Variants in BCL2L2 observed in about 807,000 individuals in gnomAD.
The protein encoded by BCL2L2 is bcl-2-like protein 2.
Under a neutral mutation model 14.6 loss-of-function variants are expected in BCL2L2, and 6 were observed. The observed-to-expected ratio is 0.41, with a 90% confidence interval of 0.22 to 0.81. The LOEUF is 0.81. Ranked by LOEUF, BCL2L2 falls within the 30% of genes least tolerant of loss-of-function variation. The probability of loss-of-function intolerance (pLI) is 0.32; values close to 1 mark genes in which losing one functional copy is unlikely to be tolerated. For missense variants in BCL2L2, 191 were observed against 260.5 expected (o/e 0.73, Z 1.84); for synonymous variants, 90 against 108.5 (o/e 0.83, Z 1.06).
Position 23,310,487 on chromosome 14 carries a change from G to A in BCL2L2, c.*1522G>A, listed in dbSNP as rs555944041. On this transcript the variant is annotated 3_prime_UTR_variant, in exon 4 of 4. Coordinates refer to ENST00000250405, the MANE Select transcript of BCL2L2 (RefSeq NM_004050.5). ...TCACTTGGTCCTAGAATGTGGCAAC[G>A]TAGTTGTGCTCGCCAGAACGTGGGA... The A allele has an allele frequency of 3.7e-5, 38 of 1,031,282 alleles. No individual in the cohort carries two copies. Among genetic ancestry groups the A allele is most frequent in the Middle Eastern group, 4.7e-4 (1 of 2,108 alleles). 63.9% of individuals were successfully genotyped at this position (1,031,282 alleles called of 1,614,324 possible). A position where few individuals can be genotyped will look rare whatever the true frequency, so the allele number is the denominator to read the frequency against.
chr14:23,308,183 ACAG>A lies in BCL2L2; in HGVS notation c.420_422del (p.Ser141del). ...GAGACGCAGCTGGCTGACTGGATCCACAGCAGTGGGGGCTGGGTAAGAAGCTTC... is the reference window on the plus strand; with the variant it reads ...GAGACGCAGCTGGCTGACTGGATCCACAGTGGGGGCTGGGTAAGAAGCTTC... On this transcript the variant is annotated inframe_deletion, in exon 3 of 4. Coordinates refer to ENST00000250405, the MANE Select transcript of BCL2L2 (RefSeq NM_004050.5). This position sits in a 1 kb window ranked among gnomAD's most constrained non-coding sequence, Gnocchi z 5.4. 6.2e-7 allele frequency: 1 copy of A among 1,612,280 alleles called. No individual in the cohort carries two copies. Among genetic ancestry groups the A allele is most frequent in the Non-Finnish European group, 8.5e-7 (1 of 1,179,432 alleles).
At position 23,306,853 on chromosome 14, in the gene BCL2L2, C is replaced by G. The variant is rs537884949; in HGVS notation, c.-138C>G. 2.0e-5 allele frequency: 3 copies of G among 152,536 alleles called. No homozygotes were observed. In the East Asian group the frequency reaches 5.8e-4, roughly 29 times the overall value. 9.4% of individuals were successfully genotyped at this position (152,536 alleles called of 1,614,324 possible). On this transcript the variant is annotated 5_prime_UTR_variant, in exon 1 of 4. Coordinates refer to ENST00000250405, the MANE Select transcript of BCL2L2 (RefSeq NM_004050.5). Reference sequence around the variant, plus strand: ...TCCCTCTCTCCCTCCCTCCCAGCTCCTGCACCAGGAAACGGCCCGGATCCC... The same window carrying G: ...TCCCTCTCTCCCTCCCTCCCAGCTCGTGCACCAGGAAACGGCCCGGATCCC...
chr14:23,308,967 A>T lies in BCL2L2; in HGVS notation c.*2A>T. 7.5e-7 allele frequency: 1 copy of T among 1,324,780 alleles called. No homozygotes were observed. Among genetic ancestry groups the T allele is most frequent in the Non-Finnish European group, 9.7e-7 (1 of 1,028,644 alleles). The allele number at this position is 1,324,780 out of a possible 1,614,324, so 82.1% of individuals were successfully genotyped here. ...GGGGCCTTTTTTGCTAGCAAGTGAA[A>T]GTCCAGGGCCAGGTGGGGCTAGGTG... is the stretch of plus-strand genomic sequence containing the variant. On this transcript the variant is annotated 3_prime_UTR_variant, in exon 4 of 4. Coordinates refer to ENST00000250405, the MANE Select transcript of BCL2L2 (RefSeq NM_004050.5). This position sits in a 1 kb window ranked among gnomAD's most constrained non-coding sequence, Gnocchi z 5.4.
At position 23,308,510 on chromosome 14, in the gene BCL2L2, G is replaced by C. The variant is rs896914682; in HGVS notation, c.433-306G>C. Among the ~76,000 whole-genome samples the C allele has an allele frequency of 1.3e-5, 2 of 152,090 alleles. No homozygotes were observed. The highest frequency in any genetic ancestry group is 4.8e-5 in the African/African-American group (2 of 41,408). ...ATGGCGTGGGAGGTGGGGAGGACCA[G>C]GGATGGGTGGTGGTCAGGCAAGCCT... On this transcript the variant is annotated intron_variant, in intron 3 of 3. Coordinates refer to ENST00000250405, the MANE Select transcript of BCL2L2 (RefSeq NM_004050.5). The surrounding 1 kb of genome is among the most constrained non-coding windows in gnomAD (Gnocchi z 5.4).
Position 23,307,797 on chromosome 14 carries a change from AC to A in BCL2L2, c.31del (p.Arg11GlyfsTer8). 2 of 1,540,008 alleles carry A rather than the reference AC, an allele frequency of 1.3e-6. No homozygotes were observed. Among genetic ancestry groups the A allele is most frequent in the Non-Finnish European group, 1.7e-6 (2 of 1,145,286 alleles). On this transcript the variant is annotated frameshift_variant, in exon 3 of 4. Transcript: ENST00000250405. LOFTEE classifies it high-confidence loss of function. ...CGACCCCAGCCTCGGCCCCAGACAC[AC>A]GGGCTCTGGTGGCAGACTTTGTAGG... MATPASAPDTRALVADFVGYK... is the reference protein window; with the variant it reads MATPASAPDTXALVADFVGYK...
chr14:23,308,569 C>T lies in BCL2L2; in HGVS notation c.433-247C>T, dbSNP rs938565699. ...GATGCTAGTTCTGAGCAGAATTTTT[C>T]GCCAAGGAAAGGATGGAATTCACTG... On this transcript the variant is annotated intron_variant, in intron 3 of 3. Transcript: ENST00000250405. This position sits in a 1 kb window ranked among gnomAD's most constrained non-coding sequence, Gnocchi z 5.4. Among the ~76,000 whole-genome samples the T allele has an allele frequency of 2.0e-5, 3 of 151,920 alleles. No individual in the cohort carries two copies. Among genetic ancestry groups the T allele is most frequent in the African/African-American group, 2.4e-5 (1 of 41,360 alleles).
chr14:23,310,659 T>A lies in BCL2L2; in HGVS notation c.*1694T>A. 8.8e-7 allele frequency: 1 copy of A among 1,137,804 alleles called. No homozygotes were observed. The highest frequency in any genetic ancestry group is 1.7e-5 in the African/African-American group (1 of 59,882). The allele number at this position is 1,137,804 out of a possible 1,614,324, so 70.5% of individuals were successfully genotyped here. On this transcript the variant is annotated 3_prime_UTR_variant, in exon 4 of 4. Coordinates refer to ENST00000250405, the MANE Select transcript of BCL2L2 (RefSeq NM_004050.5). ...TGACACCAGAAACTCAGAGCCAGCT[T>A]GTGGCAAGCAGTTGGGGTGGGGGGT...
chr14:23,309,856 C>T lies in BCL2L2; in HGVS notation c.*891C>T. The T allele has an allele frequency of 1.5e-5, 15 of 985,458 alleles. No homozygotes were observed. Among genetic ancestry groups the T allele is most frequent in the Non-Finnish European group, 1.8e-5 (15 of 829,950 alleles). The allele number at this position is 985,458 out of a possible 1,614,324, so 61.0% of individuals were successfully genotyped here. A position where few individuals can be genotyped will look rare whatever the true frequency, so the allele number is the denominator to read the frequency against. On this transcript the variant is annotated 3_prime_UTR_variant, in exon 4 of 4. Coordinates refer to ENST00000250405, the MANE Select transcript of BCL2L2 (RefSeq NM_004050.5). ...CCTCTCCCACTCAGGCACAATGGTG[C>T]CTAAAGTGTTTCCAATCTCTGGGAC...
At position 23,308,735 on chromosome 14, in the gene BCL2L2, TC is replaced by T; in HGVS notation, c.433-79del. On this transcript the variant is annotated intron_variant, in intron 3 of 3. Transcript: ENST00000250405. This position sits in a 1 kb window ranked among gnomAD's most constrained non-coding sequence, Gnocchi z 5.4. The stretch of plus-strand genomic sequence containing the variant: ...TCGCAGTGGATGGAACTGGAACTCT[TC>T]CTCTCCTCTTCTCTCCACTCTTTCC... 8.6e-7 allele frequency: 1 copy of T among 1,157,680 alleles called. No individual in the cohort carries two copies. The allele number at this position is 1,157,680 out of a possible 1,614,324, so 71.7% of individuals were successfully genotyped here.
In BCL2L2 at chr14:23,308,220, C is replaced by T. The variant is rs377282979; in HGVS notation, c.432+21C>T. The T allele has an allele frequency of 1.6e-5, 25 of 1,590,142 alleles. No homozygotes were observed. Among genetic ancestry groups the T allele is most frequent in the East Asian group, 4.5e-5 (2 of 44,574 alleles). ...GCTGGGTAAGAAGCTTCTCAATTGCCGCTCTGCACATCCTTCTGCAAAGCT... is the reference window on the plus strand; with the variant it reads ...GCTGGGTAAGAAGCTTCTCAATTGCTGCTCTGCACATCCTTCTGCAAAGCT... On this transcript the variant is annotated intron_variant, in intron 3 of 3. Coordinates refer to ENST00000250405, the MANE Select transcript of BCL2L2 (RefSeq NM_004050.5). This position sits in a 1 kb window ranked among gnomAD's most constrained non-coding sequence, Gnocchi z 5.4.
rs1887531192 is a variant in BCL2L2 at position 23,310,360 on chromosome 14, C to T, written c.*1395C>T. 3.0e-6 allele frequency: 3 copies of T among 988,272 alleles called. No homozygotes were observed. Among genetic ancestry groups the T allele is most frequent in the Non-Finnish European group, 3.6e-6 (3 of 831,648 alleles). The allele number at this position is 988,272 out of a possible 1,614,324, so 61.2% of individuals were successfully genotyped here. On this transcript the variant is annotated 3_prime_UTR_variant, in exon 4 of 4. Transcript: ENST00000250405. ...ACTTTCCAAGGTGCTAAGATTGCTG[C>T]TCTCCAATGCTAACTTTCTGACACA...
chr14:23,307,745 C>G lies in BCL2L2; in HGVS notation c.-8-15C>G, dbSNP rs774562145. The G allele has an allele frequency of 1.4e-5, 21 of 1,517,780 alleles. No individual in the cohort carries two copies. Among genetic ancestry groups the G allele is most frequent in the Non-Finnish European group, 1.8e-5 (20 of 1,134,310 alleles). 94.0% of individuals were successfully genotyped at this position (1,517,780 alleles called of 1,614,324 possible). ...TCATATATTCATGCCAGTCTTTCAT[C>G]CTTGCCTCTTATAGCCGCCCGGATG... On this transcript the variant is annotated splice_polypyrimidine_tract_variant and intron_variant, in intron 2 of 3. Coordinates refer to ENST00000250405, the MANE Select transcript of BCL2L2 (RefSeq NM_004050.5).
At position 23,311,070 on chromosome 14, in the gene BCL2L2, G is replaced by A; in HGVS notation, c.*2105G>A. Reference sequence around the variant, plus strand: ...AGCCAAGAGGAGCTGCAGGGACCATGGCCAGGTTACCAAAATGCCCTGCTC... The same window carrying A: ...AGCCAAGAGGAGCTGCAGGGACCATAGCCAGGTTACCAAAATGCCCTGCTC... On this transcript the variant is annotated 3_prime_UTR_variant, in exon 4 of 4. Transcript: ENST00000250405. 1 of 1,289,318 alleles carries A rather than the reference G, an allele frequency of 7.8e-7. No homozygotes were observed. Among genetic ancestry groups the A allele is most frequent in the Non-Finnish European group, 1.0e-6 (1 of 988,674 alleles). The allele number at this position is 1,289,318 out of a possible 1,614,324, so 79.9% of individuals were successfully genotyped here.
chr14:23,308,688 G>A lies in BCL2L2; in HGVS notation c.433-128G>A. 1.3e-6 allele frequency: 1 copy of A among 751,392 alleles called. No individual in the cohort carries two copies. 46.5% of individuals were successfully genotyped at this position (751,392 alleles called of 1,614,324 possible). ...CAGGGAGAAGAGCTTTGGCCAGAGA[G>A]GAGCTGGGTATGGGGTAGTGCTCGC... is the stretch of plus-strand genomic sequence containing the variant. On this transcript the variant is annotated intron_variant, in intron 3 of 3. Coordinates refer to ENST00000250405, the MANE Select transcript of BCL2L2 (RefSeq NM_004050.5). This position sits in a 1 kb window ranked among gnomAD's most constrained non-coding sequence, Gnocchi z 5.4.
rs1477905502 is a variant in BCL2L2, at chr14:23,311,072, C to T, written c.*2107C>T. 35 of 1,289,300 alleles carry T rather than the reference C, an allele frequency of 2.7e-5. No individual in the cohort carries two copies. Among genetic ancestry groups the T allele is most frequent in the Non-Finnish European group, 3.5e-5 (35 of 988,678 alleles). The allele number at this position is 1,289,300 out of a possible 1,614,324, so 79.9% of individuals were successfully genotyped here. A position where few individuals can be genotyped will look rare whatever the true frequency, so the allele number is the denominator to read the frequency against. ...CCAAGAGGAGCTGCAGGGACCATGG[C>T]CAGGTTACCAAAATGCCCTGCTCTG... On this transcript the variant is annotated 3_prime_UTR_variant, in exon 4 of 4. Coordinates refer to ENST00000250405, the MANE Select transcript of BCL2L2 (RefSeq NM_004050.5).
At position 23,309,220 on chromosome 14, in the gene BCL2L2, TGGGA is replaced by T; in HGVS notation, c.*260_*263del. The T allele has an allele frequency of 1.3e-6, 1 of 796,730 alleles. No individual in the cohort carries two copies. The highest frequency in any genetic ancestry group is 1.5e-6 in the Non-Finnish European group (1 of 678,766). The allele number at this position is 796,730 out of a possible 1,614,324, so 49.4% of individuals were successfully genotyped here. A position where few individuals can be genotyped will look rare whatever the true frequency, so the allele number is the denominator to read the frequency against. On this transcript the variant is annotated 3_prime_UTR_variant, in exon 4 of 4. Transcript: ENST00000250405. The stretch of plus-strand genomic sequence containing the variant: ...GTAGTCGTTCCAGGGCTGGGGGAGG[TGGGA>T]GGGATCACGCCTATAGGTGTGGGCA...
chr14:23,309,310 G>C lies in BCL2L2; in HGVS notation c.*345G>C. 9.2e-7 allele frequency: 1 copy of C among 1,083,954 alleles called. No homozygotes were observed. Among genetic ancestry groups the C allele is most frequent in the Non-Finnish European group, 1.1e-6 (1 of 893,674 alleles). 67.1% of individuals were successfully genotyped at this position (1,083,954 alleles called of 1,614,324 possible). A position where few individuals can be genotyped will look rare whatever the true frequency, so the allele number is the denominator to read the frequency against. On this transcript the variant is annotated 3_prime_UTR_variant, in exon 4 of 4. Coordinates refer to ENST00000250405, the MANE Select transcript of BCL2L2 (RefSeq NM_004050.5). ...GGAAGGTGGACTTACATAAGCAGCT[G>C]TATTCCATTAGATGAGTGGGATTTA...
Position 23,311,361 on chromosome 14 carries a change from T to C in BCL2L2, c.*2396T>C. 1.8e-6 allele frequency: 2 copies of C among 1,091,430 alleles called. No homozygotes were observed. The highest frequency in any genetic ancestry group is 2.2e-6 in the Non-Finnish European group (2 of 894,016). The allele number at this position is 1,091,430 out of a possible 1,614,324, so 67.6% of individuals were successfully genotyped here. On this transcript the variant is annotated 3_prime_UTR_variant, in exon 4 of 4. Transcript: ENST00000250405. The stretch of plus-strand genomic sequence containing the variant: ...CAATTTTTAAATCCATTTCATTTTT[T>C]AAAAAATAAGGGAAATAAATGTAAT...
chr14:23,307,955 A>T lies in BCL2L2; in HGVS notation c.188A>T (p.Asp63Val), dbSNP rs1270964845. 6.2e-7 allele frequency: 1 copy of T among 1,613,936 alleles called. No individual in the cohort carries two copies. The highest frequency in any genetic ancestry group is 1.3e-5 in the African/African-American group (1 of 74,914). The change falls in exon 3 of 4, where the codon GAT becomes GTT. Residue 63 changes from aspartate (D) to valine (V), a missense_variant. Physicochemically the swap from Asp to Val is radical, Grantham distance 152. Coordinates refer to ENST00000250405, the MANE Select transcript of BCL2L2 (RefSeq NM_004050.5). ...ACCCGCTTCCGGCGCACCTTCTCTG[A>T]TCTGGCGGCTCAGCTGCATGTGACC... ...FETRFRRTFSDLAAQLHVTPG... is the reference protein window; with the variant it reads ...FETRFRRTFSVLAAQLHVTPG...
Sources: gnomAD v4.1 joint callset for allele counts (sites outside exome capture counted in the v4.1 genomes callset) on GRCh38, gnomAD v4.1.1 for gene constraint, Gnocchi (gnomAD v3.1) non-coding constraint, MANE v1.5 for transcripts, NCBI Gene and HGNC (gene_info 2026-07-23, HGNC 2026-07-21) for gene names.